CTDSPL: variants seen among roughly 807,000 people sequenced by gnomAD.
The protein encoded by CTDSPL is CTD small phosphatase like, also known as CTD small phosphatase-like protein.
A neutral mutation model predicts 30.5 loss-of-function variants in CTDSPL; 8 were observed. The ratio of observed to expected loss-of-function variants is 0.26; its 90% confidence interval spans 0.15 to 0.47. The LOEUF (loss-of-function observed/expected upper bound fraction) is 0.47, where lower values mean the gene tolerates loss of function less well. CTDSPL is among the 20% of genes least tolerant of loss of function. CTDSPL has a pLI of 0.99. For missense variants in CTDSPL, 248 were observed against 366.1 expected (o/e 0.68, Z 2.63); for synonymous variants, 110 against 137.9 (o/e 0.80, Z 1.42).
chr3:37,953,468 T>C (rs1039414065), intron 2 of CTDSPL, among the ~76,000 whole-genome samples: 30 of 152,152 alleles, frequency 2.0e-4, no homozygotes, highest in Admixed American at 6.5e-4. Context: ...AATCCACATA[T>C]TCAGAAAGAA....
chr3:37,899,149 T>C (rs1698421143), intron 1 of CTDSPL, among the ~76,000 whole-genome samples: 1 of 152,222 alleles, frequency 6.6e-6, no homozygotes. Flanking sequence ...AGTGATACCC[T>C]GGGCTGGAAC....
chr3:37,931,014 G>A (rs772589775), intron 1 of CTDSPL, among the ~76,000 whole-genome samples: 20 of 151,390 alleles, frequency 1.3e-4, no homozygotes, highest in African/African-American at 4.1e-4. Context: ...TTTTTTTTCC[G>A]TTTACATGGA....
In CTDSPL at chr3:37,861,909, C is replaced by G. The variant is rs1022285203; in HGVS notation, c.-291C>G. ...CCCCCTCGCCCGCCCGCTCCCGCTT[C>G]CAGCGGCGCCGGGCCTCCCGCTCCG... On this transcript the variant is annotated 5_prime_UTR_variant, in exon 1 of 8. Coordinates refer to ENST00000273179, the MANE Select transcript of CTDSPL (RefSeq NM_001008392.2). 9.9e-5 allele frequency: 14 copies of G among 141,236 alleles called. No individual in the cohort carries two copies. Among genetic ancestry groups the G allele is most frequent in the African/African-American group, 3.6e-4 (14 of 38,394 alleles). 8.7% of individuals were successfully genotyped at this position (141,236 alleles called of 1,614,324 possible).
chr3:37,862,391 G>A lies in CTDSPL; in HGVS notation c.79+113G>A, dbSNP rs1371190206. The A allele has an allele frequency of 2.4e-6, 2 of 832,446 alleles. No homozygotes were observed. Among genetic ancestry groups the A allele is most frequent in the Non-Finnish European group, 3.2e-6 (2 of 622,056 alleles). The allele number at this position is 832,446 out of a possible 1,614,324, so 51.6% of individuals were successfully genotyped here. A position where few individuals can be genotyped will look rare whatever the true frequency, so the allele number is the denominator to read the frequency against. On this transcript the variant is annotated intron_variant, in intron 1 of 7. Coordinates refer to ENST00000273179, the MANE Select transcript of CTDSPL (RefSeq NM_001008392.2). This position sits in a 1 kb window ranked among gnomAD's most constrained non-coding sequence, Gnocchi z 4.3. ...GGGGGAGGGGTGCACAGGGCCCGGAGGGTGCGTGGGTGTGGGGTGCGCCCG... is the reference window on the plus strand; with the variant it reads ...GGGGGAGGGGTGCACAGGGCCCGGAAGGTGCGTGGGTGTGGGGTGCGCCCG...
rs1698933941 is a variant in CTDSPL, at chr3:37,937,928, G to A, written c.80-9129G>A. 1.3e-5 allele frequency among the ~76,000 whole-genome samples: 2 copies of A among 150,412 alleles called. 1 individual carries two copies. The highest frequency in any genetic ancestry group is 3.0e-5 in the Non-Finnish European group (2 of 67,126). ...TTTCTTCTGAAAATTTTATCATGCT[G>A]GGTCTTCAGGGATCCGGCCCCTGTG... is the stretch of plus-strand genomic sequence containing the variant. On this transcript the variant is annotated intron_variant, in intron 1 of 7. Transcript: ENST00000273179.
At chr3:37,882,638 T>C (rs954371311) in intron 1 of CTDSPL, among the ~76,000 whole-genome samples, 7 of 151,794 alleles carry the variant, frequency 4.6e-5, no homozygotes, top group African/African-American at 1.7e-4. Flanking sequence ...ATAATAATAA[T>C]CCTGGACTCT....
chr3:37,918,161 C>T (rs559687020), intron 1 of CTDSPL, among the ~76,000 whole-genome samples: 2 of 152,312 alleles, frequency 1.3e-5, no homozygotes, highest in East Asian at 3.9e-4. Flanking sequence ...TAACACACCT[C>T]AGGACCTGGG....
intron 1 of CTDSPL, among the ~76,000 whole-genome samples, chr3:37,916,202 A>T (rs757012439): frequency 3.9e-5 from 6 of 152,206 alleles, no homozygotes; most frequent in Non-Finnish European, 7.3e-5. Context: ...TCTCTTCACC[A>T]GAATCTTGGC....
At chr3:37,863,443 G>A (rs1697969356) in intron 1 of CTDSPL, among the ~76,000 whole-genome samples, 1 of 152,230 alleles carries the variant, frequency 6.6e-6, no homozygotes, top group Non-Finnish European at 1.5e-5. Flanking sequence ...CCTCTAGTGT[G>A]TTGGGACTTG....
chr3:37,867,568 A>G (rs540704948), intron 1 of CTDSPL, among the ~76,000 whole-genome samples: 48 of 152,332 alleles, frequency 3.2e-4, no homozygotes, highest in African/African-American at 1.1e-3. Flanking sequence ...CATTTTACAT[A>G]CCCACCAGCA....
intron 1 of CTDSPL, among the ~76,000 whole-genome samples, chr3:37,925,867 C>T (rs1441733425): frequency 6.6e-6 from 1 of 151,964 alleles, no homozygotes; most frequent in Admixed American, 6.6e-5. Context: ...ACACACACCA[C>T]TCTTTAACCT....
chr3:37,944,898 C>T (rs1349572765), intron 1 of CTDSPL: 1 of 150,406 alleles, frequency 6.6e-6, no homozygotes, highest in Non-Finnish European at 1.5e-5. Context: ...AGCTTCTGTA[C>T]AGTAAGTAAT....
At chr3:37,903,663 C>A (rs2012641) in intron 1 of CTDSPL, among the ~76,000 whole-genome samples, 5 of 152,034 alleles carry the variant, frequency 3.3e-5, no homozygotes, top group East Asian at 1.9e-4. Context: ...AAGGATGTAC[C>A]GCACCTGCCA....
In CTDSPL at chr3:37,926,473, G is replaced by C. The variant is rs143118553; in HGVS notation, c.80-20584G>C. Among the ~76,000 whole-genome samples the C allele has an allele frequency of 2.8e-3, 420 of 152,290 alleles. 2 individuals carry two copies. Among genetic ancestry groups the C allele is most frequent in the African/African-American group, 9.7e-3 (402 of 41,560 alleles). On this transcript the variant is annotated intron_variant, in intron 1 of 7. Coordinates refer to ENST00000273179, the MANE Select transcript of CTDSPL (RefSeq NM_001008392.2). ...CTAGGTGATGTCAGTCCTTTGAAAA[G>C]GATTATTGAGGACTCTTGAGGCATT...
chr3:37,957,522 C>G (rs184008754), intron 3 of CTDSPL, among the ~76,000 whole-genome samples: 1 of 152,322 alleles, frequency 6.6e-6, no homozygotes, highest in East Asian at 1.9e-4. Flanking sequence ...AGACCCAGTT[C>G]TTTGCAGCAG....
intron 1 of CTDSPL, among the ~76,000 whole-genome samples, chr3:37,910,722 G>C (rs1698573717): frequency 6.6e-6 from 1 of 152,092 alleles, no homozygotes. Flanking sequence ...AAAATTCAGG[G>C]CTGTATTCTC....
chr3:37,964,076 GT>G (rs1575320429), intron 3 of CTDSPL, among the ~76,000 whole-genome samples: 1 of 112,382 alleles, frequency 8.9e-6, no homozygotes, highest in East Asian at 3.2e-4. Context: ...AAAATCTGTA[GT>G]TCCAACATAG....
At chr3:37,974,524 T>C (rs1699404006) in intron 6 of CTDSPL, among the ~76,000 whole-genome samples, 1 of 152,254 alleles carries the variant, frequency 6.6e-6, no homozygotes, top group South Asian at 2.1e-4. Flanking sequence ...CGTGTCAGGC[T>C]TGGCAACTGC....
At chr3:37,873,296 G>A (rs1698098150) in intron 1 of CTDSPL, among the ~76,000 whole-genome samples, 1 of 152,178 alleles carries the variant, frequency 6.6e-6, no homozygotes, top group Admixed American at 6.5e-5. Flanking sequence ...GAGCAGTTTT[G>A]TCTGAAAGAT....
Sources: allele counts gnomAD v4.1 joint callset (sites outside exome capture counted in the v4.1 genomes callset), GRCh38; gene constraint gnomAD v4.1.1; non-coding constraint Gnocchi (gnomAD v3.1); transcripts MANE v1.5; gene names NCBI Gene and HGNC (gene_info 2026-07-23, HGNC 2026-07-21).